ATP11A: variants seen among roughly 807,000 people sequenced by gnomAD.
The protein encoded by ATP11A is phospholipid-transporting ATPase IH.
ATP11A carries 81 observed loss-of-function variants against 154.4 expected under a neutral mutation model. The ratio of observed to expected loss-of-function variants is 0.52; its 90% CI spans 0.44 to 0.63. ATP11A has a LOEUF of 0.63. Among genes scored for constraint, ATP11A ranks in the 30% least tolerant of loss-of-function variants. The pLI is 0.00. For missense variants in ATP11A, 1,316 were observed against 1,474.3 expected, an observed-to-expected ratio of 0.89 and a Z score of 1.76; for synonymous variants, 623 against 585.9, an observed-to-expected ratio of 1.06 and a Z score of -0.91.
intron 1 of ATP11A, among the ~76,000 whole-genome samples, chr13:112,774,105 G>A (rs570246104): frequency 5.3e-5 from 8 of 152,332 alleles, no homozygotes; most frequent in Admixed American, 6.5e-5. Context: ...TAAGCATTGC[G>A]GCCGAAGGTT....
At chr13:112,718,192 T>G (rs1888712087) in intron 1 of ATP11A, among the ~76,000 whole-genome samples, 2 of 152,368 alleles carry the variant, frequency 1.3e-5, no homozygotes, top group African/African-American at 4.8e-5. Context: ...TGCTTGAATT[T>G]ATTTTGCTTT....
chr13:112,878,444 C>T (rs953754032), intron 29 of ATP11A, 141 bp downstream of exon 29: 2 of 773,688 alleles, frequency 2.6e-6, no homozygotes, highest in South Asian at 1.6e-5. Context: ...GTCGGGAAGT[C>T]CCGCCACCAC....
At chr13:112,876,433 T>C (rs1393248662) in intron 28 of ATP11A, among the ~76,000 whole-genome samples, 1 of 151,672 alleles carries the variant, frequency 6.6e-6, no homozygotes, top group Non-Finnish European at 1.5e-5. Context: ...AGGTGCAGGG[T>C]TTGGCAGGTG....
At position 112,821,127 on chromosome 13, in the gene ATP11A, G is replaced by A. The variant is rs192728942; in HGVS notation, c.725+1177G>A. Among the ~76,000 whole-genome samples the A allele has an allele frequency of 1.6e-3, 244 of 152,240 alleles. 2 individuals carry two copies. The highest frequency in any genetic ancestry group is 5.5e-3 in the African/African-American group (230 of 41,548). On this transcript the variant is annotated intron_variant, in intron 8 of 29. Coordinates refer to ENST00000375645, the MANE Select transcript of ATP11A (RefSeq NM_015205.3). ...TCTCTTGTATTTCTGTGTGCCGTGA[G>A]AATTAATTTGTGTTTGAACAGACTT... is the stretch of plus-strand genomic sequence containing the variant.
chr13:112,877,262 G>C (rs964933380), intron 28 of ATP11A, among the ~76,000 whole-genome samples: 20 of 152,224 alleles, frequency 1.3e-4, no homozygotes, highest in African/African-American at 4.8e-4. Context: ...GCGGCCCCCA[G>C]TGCTTCAGGG....
chr13:112,764,915 C>A (rs2077038866), intron 1 of ATP11A, among the ~76,000 whole-genome samples: 1 of 152,222 alleles, frequency 6.6e-6, no homozygotes, highest in Non-Finnish European at 1.5e-5. Context: ...CGCTACCAGT[C>A]TGGGCTGGTA....
chr13:112,871,824 C>CT (rs2080530736), intron 26 of ATP11A, 24 bp downstream of exon 26: 13 of 1,607,056 alleles, frequency 8.1e-6, no homozygotes, highest in African/African-American at 1.3e-5. Context: ...CGCTCACGTT[C>CT]CTCCCCCAGC....
chr13:112,759,077 C>T (rs916038432), intron 1 of ATP11A, among the ~76,000 whole-genome samples: 4 of 152,206 alleles, frequency 2.6e-5, no homozygotes, highest in Admixed American at 6.5e-5. Context: ...AAAACAGCAA[C>T]GTGTGCAGGG....
At position 112,690,381 on chromosome 13, in the gene ATP11A, G is replaced by T. The variant is rs773794045; in HGVS notation, c.-36G>T. On this transcript the variant is annotated 5_prime_UTR_variant, in exon 1 of 30. Coordinates refer to ENST00000375645, the MANE Select transcript of ATP11A (RefSeq NM_015205.3). This position sits in a 1 kb window ranked among gnomAD's most constrained non-coding sequence, Gnocchi z 5.6. ...TGGGCGCGCCGAGCCGGGCGCGGGG[G>T]CGCTGAACGGCGGAGCGGGAGCGGC... 4.7e-6 allele frequency: 6 copies of T among 1,267,974 alleles called. No individual in the cohort carries two copies. Among genetic ancestry groups the T allele is most frequent in the Non-Finnish European group, 3.0e-6 (3 of 1,007,458 alleles). The allele number at this position is 1,267,974 out of a possible 1,614,324, so 78.5% of individuals were successfully genotyped here. A position where few individuals can be genotyped will look rare whatever the true frequency, so the allele number is the denominator to read the frequency against.
chr13:112,763,228 C>G (rs1488825325), intron 1 of ATP11A, among the ~76,000 whole-genome samples: 1 of 152,292 alleles, frequency 6.6e-6, no homozygotes, highest in East Asian at 1.9e-4. Flanking sequence ...CCCCAACCAA[C>G]GGAATGGACC....
rs1886040959 is a variant in ATP11A at position 112,697,726 on chromosome 13, AGTTTTTTTT to A, written c.39+7272_39+7280del. 1.8e-5 allele frequency among the ~76,000 whole-genome samples: 1 copy of A among 56,846 alleles called. No individual in the cohort carries two copies. The highest frequency in any genetic ancestry group is 3.5e-5 in the Non-Finnish European group (1 of 28,456). The allele number at this position is 56,846 out of a possible 152,430, so 37.3% of individuals were successfully genotyped here. On this transcript the variant is annotated intron_variant, in intron 1 of 29. Transcript: ENST00000375645. The surrounding 1 kb of genome is among the most constrained non-coding windows in gnomAD (Gnocchi z 4.0). ...GGGATTTGTGCCACGACGCCCGGCC[AGTTTTTTTT>A]TTTTTTTTTTTTTTTTTTAGTAGAG...
intron 1 of ATP11A, among the ~76,000 whole-genome samples, chr13:112,721,046 C>A (rs944472600): frequency 3.3e-5 from 5 of 152,122 alleles, no homozygotes; most frequent in African/African-American, 1.2e-4. Context: ...CCGCAGCCTC[C>A]AGGAGCTACT....
intron 22 of ATP11A, chr13:112,858,645 C>T (rs1288795132): frequency 9.9e-5 from 20 of 202,012 alleles, no homozygotes; most frequent in Non-Finnish European, 1.2e-4. Context: ...TCCGGTGTGC[C>T]GATGCTGTGT....
chr13:112,875,230 T>A lies in ATP11A; in HGVS notation c.3162-546T>A, dbSNP rs1231618748. Among the ~76,000 whole-genome samples, 2 of 152,176 alleles carry A rather than the reference T, an allele frequency of 1.3e-5. No homozygotes were observed. The highest frequency in any genetic ancestry group is 4.8e-5 in the African/African-American group (2 of 41,430). ...GCCACCATCCGTAGTGCCTGGGATG[T>A]GAAAGGCGATCAGGAAACGTTACCG... is the stretch of plus-strand genomic sequence containing the variant. On this transcript the variant is annotated intron_variant, in intron 27 of 29. Transcript: ENST00000375645. The surrounding 1 kb of genome is among the most constrained non-coding windows in gnomAD (Gnocchi z 4.1).
intron 2 of ATP11A, among the ~76,000 whole-genome samples, chr13:112,798,616 C>T (rs1241647212): frequency 3.9e-5 from 6 of 152,052 alleles, no homozygotes; most frequent in East Asian, 1.9e-4. Context: ...TGAGAGTGGG[C>T]GTATATTGTG....
chr13:112,753,730 T>A lies in ATP11A; in HGVS notation c.40-31405T>A, dbSNP rs1392227183. The stretch of plus-strand genomic sequence containing the variant: ...TGCCTGATTCCTGACATATTTATTA[T>A]TAATAATAATGGAGCAATAAAGTGA... On this transcript the variant is annotated intron_variant, in intron 1 of 29. Transcript: ENST00000375645. This position sits in a 1 kb window ranked among gnomAD's most constrained non-coding sequence, Gnocchi z 4.1. Among the ~76,000 whole-genome samples, 2 of 151,742 alleles carry A rather than the reference T, an allele frequency of 1.3e-5. No homozygotes were observed. The highest frequency in any genetic ancestry group is 2.4e-5 in the African/African-American group (1 of 41,180).
chr13:112,850,973 G>T, intron 17 of ATP11A, 64 bp from the exon 18 acceptor site: 1 of 1,504,968 alleles, frequency 6.6e-7, no homozygotes, highest in South Asian at 1.2e-5. Flanking sequence ...GGAAGGCCGT[G>T]GAGCGTAATA....
chr13:112,823,290 G>A (rs990691537), intron 8 of ATP11A, 55 bp from the exon 9 acceptor site: 42 of 1,407,764 alleles, frequency 3.0e-5, no homozygotes, highest in South Asian at 9.4e-5. Flanking sequence ...CTTGCCCCCC[G>A]CCCTGCCCAC....
rs1375650640 is a variant in ATP11A at position 112,690,997 on chromosome 13, T to C, written c.39+542T>C. On this transcript the variant is annotated intron_variant, in intron 1 of 29. Transcript: ENST00000375645. The surrounding 1 kb of genome is among the most constrained non-coding windows in gnomAD (Gnocchi z 5.6). ...CGGAGTTTGGAATCTTTTTATTTTTTACCTTAAAGTAACCAATTAGATCAG... is the reference window on the plus strand; with the variant it reads ...CGGAGTTTGGAATCTTTTTATTTTTCACCTTAAAGTAACCAATTAGATCAG... Among the ~76,000 whole-genome samples the C allele has an allele frequency of 1.3e-5, 2 of 152,246 alleles. No individual in the cohort carries two copies. Among genetic ancestry groups the C allele is most frequent in the Non-Finnish European group, 2.9e-5 (2 of 68,032 alleles).
Sources: allele counts gnomAD v4.1 joint callset (sites outside exome capture counted in the v4.1 genomes callset), GRCh38; gene constraint gnomAD v4.1.1; non-coding constraint Gnocchi (gnomAD v3.1); transcripts MANE v1.5; gene names NCBI Gene and HGNC (gene_info 2026-07-23, HGNC 2026-07-21).